The following NAALADL2 variants were observed in gnomAD, a reference collection of about 807,000 sequenced individuals.
NAALADL2 encodes the protein N-acetylated alpha-linked acidic dipeptidase like 2.
In NAALADL2, 76 loss-of-function variants were observed where a neutral mutation model predicts 87.2. That is an observed-to-expected ratio of 0.87 (90% CI 0.72 to 1.05). NAALADL2 has a LOEUF of 1.05. NAALADL2 is among the 50% of genes least tolerant of loss of function. The pLI, the probability that NAALADL2 is intolerant of heterozygous loss-of-function variation, is 0.00. For missense variants in NAALADL2, 1,089 were observed against 945.8 expected (o/e 1.15, Z -1.99); for synonymous variants, 354 against 331.0 (o/e 1.07, Z -0.75).
intron 12 of NAALADL2, among the ~76,000 whole-genome samples, chr3:175,749,763 G>A (rs765330134): frequency 5.3e-5 from 8 of 152,206 alleles, no homozygotes; most frequent in Non-Finnish European, 1.2e-4. Context: ...AATGTAGTTT[G>A]TGCTGATCCC....
chr3:175,139,645 C>T (rs1431998982), intron 2 of NAALADL2, among the ~76,000 whole-genome samples: 1 of 151,854 alleles, frequency 6.6e-6, no homozygotes, highest in Non-Finnish European at 1.5e-5. Flanking sequence ...CTCATTCTTT[C>T]TATAATTTAA....
chr3:174,576,898 C>T (rs1462477996), intron 2 of NAALADL2, among the ~76,000 whole-genome samples: 3 of 152,086 alleles, frequency 2.0e-5, no homozygotes, highest in Admixed American at 2.0e-4. Context: ...TTATACACTT[C>T]TTAATCTGGA....
intron 1 of NAALADL2, among the ~76,000 whole-genome samples, chr3:174,543,038 T>C (rs569145952): frequency 6.6e-6 from 1 of 152,152 alleles, no homozygotes; most frequent in South Asian, 2.1e-4. Context: ...GCATGAACCA[T>C]AGGGGTGGTA....
chr3:175,334,738 G>C (rs1053448624), intron 5 of NAALADL2, among the ~76,000 whole-genome samples: 2 of 152,082 alleles, frequency 1.3e-5, no homozygotes, highest in Admixed American at 6.5e-5. Flanking sequence ...GAGCAAGTTT[G>C]GTTTGCAAGG....
intron 9 of NAALADL2, among the ~76,000 whole-genome samples, chr3:175,499,205 G>C (rs527307355): frequency 6.6e-6 from 1 of 152,132 alleles, no homozygotes; most frequent in East Asian, 1.9e-4. Flanking sequence ...GCAATGACAG[G>C]AATACATACA....
intron 11 of NAALADL2, among the ~76,000 whole-genome samples, chr3:175,727,196 C>T (rs917497054): frequency 7.2e-5 from 11 of 152,100 alleles, no homozygotes; most frequent in South Asian, 4.1e-4. Flanking sequence ...GGCTGCAAAC[C>T]CAGTGTCTCA....
chr3:175,242,823 C>T (rs1747180449), intron 3 of NAALADL2, among the ~76,000 whole-genome samples: 6 of 152,090 alleles, frequency 3.9e-5, no homozygotes, highest in Admixed American at 3.9e-4. Context: ...ATAGGAGAAA[C>T]TGGCATTTAA....
intron 9 of NAALADL2, among the ~76,000 whole-genome samples, chr3:175,568,454 A>T (rs1481563731): frequency 6.6e-6 from 1 of 152,198 alleles, no homozygotes; most frequent in Non-Finnish European, 1.5e-5. Flanking sequence ...CCTAAAAAGG[A>T]CACATTTAGA....
intron 1 of NAALADL2, among the ~76,000 whole-genome samples, chr3:175,012,626 C>A (rs977703386): frequency 6.6e-6 from 1 of 152,024 alleles, no homozygotes; most frequent in Admixed American, 6.6e-5. Context: ...AGCCCTCAGG[C>A]CAAATCTGGC....
chr3:175,461,614 G>T (rs1723137972), intron 6 of NAALADL2, among the ~76,000 whole-genome samples: 1 of 152,164 alleles, frequency 6.6e-6, no homozygotes, highest in Non-Finnish European at 1.5e-5. Flanking sequence ...CTATATTAAT[G>T]CAAGGTAATA....
At chr3:174,538,407 C>T (rs187315077) in intron 1 of NAALADL2, among the ~76,000 whole-genome samples, 2 of 151,978 alleles carry the variant, frequency 1.3e-5, no homozygotes, top group Non-Finnish European at 2.9e-5. Context: ...GCAGAGAACT[C>T]GAGACTGACA....
Position 175,803,316 on chromosome 3 carries a change from T to C in NAALADL2, c.*113T>C. ...TTTTCCCCAATGGCTTTTTGACAAGTATAAAGCTATTATTACATTGTATTT... is the reference window on the plus strand; with the variant it reads ...TTTTCCCCAATGGCTTTTTGACAAGCATAAAGCTATTATTACATTGTATTT... On this transcript the variant is annotated 3_prime_UTR_variant, in exon 14 of 14. Coordinates refer to ENST00000454872, the MANE Select transcript of NAALADL2 (RefSeq NM_207015.3). The C allele has an allele frequency of 1.6e-6, 1 of 607,856 alleles. No individual in the cohort carries two copies. Among genetic ancestry groups the C allele is most frequent in the Non-Finnish European group, 2.8e-6 (1 of 363,308 alleles). The allele number at this position is 607,856 out of a possible 1,614,324, so 37.7% of individuals were successfully genotyped here.
chr3:174,772,079 T>C (rs1474654677), intron 3 of NAALADL2, among the ~76,000 whole-genome samples: 2 of 152,178 alleles, frequency 1.3e-5, no homozygotes, highest in Non-Finnish European at 2.9e-5. Context: ...TCATTGGTAA[T>C]TGATGAATAT....
chr3:174,739,309 A>G (rs1733524877), intron 3 of NAALADL2, among the ~76,000 whole-genome samples: 1 of 152,084 alleles, frequency 6.6e-6, no homozygotes, highest in African/African-American at 2.4e-5. Context: ...TGGCCAAGAC[A>G]GTATACTCTT....
At chr3:174,705,966 C>T (rs1016365142) in intron 2 of NAALADL2, among the ~76,000 whole-genome samples, 28 of 152,076 alleles carry the variant, frequency 1.8e-4, no homozygotes, top group African/African-American at 6.5e-4. Flanking sequence ...TTACAATACT[C>T]CTCTTCCCAA....
intron 2 of NAALADL2, among the ~76,000 whole-genome samples, chr3:175,159,377 A>G (rs538621345): frequency 6.6e-6 from 1 of 152,326 alleles, no homozygotes; most frequent in South Asian, 2.1e-4. Flanking sequence ...GTCTGAGCCT[A>G]TAAAGATACT....
intron 3 of NAALADL2, among the ~76,000 whole-genome samples, chr3:175,250,189 G>A (rs990522585): frequency 5.1e-4 from 77 of 150,616 alleles, no homozygotes; most frequent in Non-Finnish European, 9.9e-4. Flanking sequence ...AAAAAAAAGA[G>A]CGATTAGTAT....
intron 9 of NAALADL2, among the ~76,000 whole-genome samples, chr3:175,500,653 C>T (rs1222428763): frequency 6.6e-6 from 1 of 152,046 alleles, no homozygotes; most frequent in Non-Finnish European, 1.5e-5. Flanking sequence ...TAATGTGCTT[C>T]TCTATTATCA....
intron 5 of NAALADL2, among the ~76,000 whole-genome samples, chr3:175,390,425 T>C (rs894082898): frequency 6.6e-6 from 1 of 152,142 alleles, no homozygotes; most frequent in African/African-American, 2.4e-5. Flanking sequence ...AATTGGTAAA[T>C]TCAGGAAACT....
Sources: gnomAD v4.1 joint callset for allele counts (sites outside exome capture counted in the v4.1 genomes callset) on GRCh38, gnomAD v4.1.1 for gene constraint, MANE v1.5 for transcripts, NCBI Gene and HGNC (gene_info 2026-07-23, HGNC 2026-07-21) for gene names.